Variants in DDR1 observed in about 807,000 individuals in gnomAD.
DDR1 encodes the protein discoidin domain receptor tyrosine kinase 1.
A neutral mutation model predicts 97.4 loss-of-function variants in DDR1; 64 were observed. The observed-to-expected ratio is 0.66, with a 90% confidence interval of 0.54 to 0.81. The LOEUF is 0.81. Ranked by LOEUF, DDR1 falls within the 30% of genes least tolerant of loss-of-function variation. The probability of loss-of-function intolerance (pLI) is 0.00; values close to 1 mark genes in which losing one functional copy is unlikely to be tolerated. For synonymous variants in DDR1, 458 were observed against 503.7 expected (o/e 0.91, Z 1.21); for missense variants, 990 against 1,259.6 (o/e 0.79, Z 3.24).
At chr6:30,898,552 A>C (rs1453092982) in intron 16 of DDR1, among the ~76,000 whole-genome samples, 1 of 152,138 alleles carries the variant, frequency 6.6e-6, no homozygotes, top group East Asian at 1.9e-4. Flanking sequence ...AGAGCTCAAG[A>C]GATGAGGTTG....
At position 30,898,899 on chromosome 6, in the gene DDR1, G is replaced by A. The variant is rs748874843; in HGVS notation, c.2463G>A (p.Thr821=). The stretch of plus-strand genomic sequence containing the variant: ...TCTCTGCATCCCAGGGGAAGTTCAC[G>A]ACTGCGAGTGACGTGTGGGCCTTTG... ...AWECILMGKF[T]TASDVWAFGV... is the part of the protein sequence containing the mutation. The change falls in exon 17 of 18, where the codon ACG becomes ACA. Residue 821 remains threonine, a synonymous_variant. Transcript: ENST00000376568. The A allele has an allele frequency of 2.0e-5, 32 of 1,606,978 alleles. No homozygotes were observed. The highest frequency in any genetic ancestry group is 1.6e-4 in the Middle Eastern group (1 of 6,068).
chr6:30,888,577 T>G lies in DDR1; in HGVS notation c.-42-111T>G. 1.2e-5 allele frequency: 14 copies of G among 1,151,204 alleles called. No individual in the cohort carries two copies. Among genetic ancestry groups the G allele is most frequent in the Non-Finnish European group, 1.7e-5 (14 of 823,546 alleles). 71.3% of individuals were successfully genotyped at this position (1,151,204 alleles called of 1,614,324 possible). On this transcript the variant is annotated intron_variant, in intron 1 of 17. Coordinates refer to ENST00000376568, the MANE Select transcript of DDR1 (RefSeq NM_001297654.2). The surrounding 1 kb of genome is among the most constrained non-coding windows in gnomAD (Gnocchi z 4.2). ...AGCTGATGCTGTTAAACAATGACTGTTGTTGTTGTTTTACTGTTATTATCC... is the reference window on the plus strand; with the variant it reads ...AGCTGATGCTGTTAAACAATGACTGGTGTTGTTGTTTTACTGTTATTATCC...
chr6:30,891,552 TG>T lies in DDR1; in HGVS notation c.665+74del. ...CTGTGTGTGTGTGTGTGTGTGTGTGTGTGTGAGAGTGTGTGTGTGTAGGGGG... is the reference window on the plus strand; with the variant it reads ...CTGTGTGTGTGTGTGTGTGTGTGTGTTGTGAGAGTGTGTGTGTGTAGGGGG... On this transcript the variant is annotated intron_variant, in intron 6 of 17. Transcript: ENST00000376568. This position sits in a 1 kb window ranked among gnomAD's most constrained non-coding sequence, Gnocchi z 5.3. 1.1e-6 allele frequency: 1 copy of T among 951,236 alleles called. No homozygotes were observed. The allele number at this position is 951,236 out of a possible 1,614,324, so 58.9% of individuals were successfully genotyped here.
At position 30,891,203 on chromosome 6, in the gene DDR1, C is replaced by T. The variant is rs775881578; in HGVS notation, c.565+83C>T. The stretch of plus-strand genomic sequence containing the variant: ...AGTGTGGAGAATGGGCATCCAGGAT[C>T]CCTTCTCCTGCTGGGAAGCTGTCAC... On this transcript the variant is annotated intron_variant, in intron 5 of 17. Transcript: ENST00000376568. The surrounding 1 kb of genome is among the most constrained non-coding windows in gnomAD (Gnocchi z 5.3). 129 of 1,569,080 alleles carry T rather than the reference C, an allele frequency of 8.2e-5. No individual in the cohort carries two copies. The highest frequency in any genetic ancestry group is 5.1e-4 in the Middle Eastern group (3 of 5,884).
chr6:30,891,052 T>C lies in DDR1; in HGVS notation c.497T>C (p.Phe166Ser). ...GPPMVARLVRFYPRADRVMSV... is the reference protein window; with the variant it reads ...GPPMVARLVRSYPRADRVMSV... Reference sequence around the variant, plus strand: ...CCCATGGTTGCCCGACTGGTTCGCTTCTACCCCCGGGCTGACCGGGTCATG... The same window carrying C: ...CCCATGGTTGCCCGACTGGTTCGCTCCTACCCCCGGGCTGACCGGGTCATG... Residue 166 changes from phenylalanine to serine, a missense_variant, in exon 5 of 18, where the codon TTC (phenylalanine) becomes TCC (serine). Phe to Ser is a radical substitution (Grantham distance 155). Transcript: ENST00000376568. The surrounding 1 kb of genome is among the most constrained non-coding windows in gnomAD (Gnocchi z 5.3). 1 of 1,613,060 alleles carries C rather than the reference T, an allele frequency of 6.2e-7. No homozygotes were observed. Among genetic ancestry groups the C allele is most frequent in the African/African-American group, 1.3e-5 (1 of 75,056 alleles).
intron 1 of DDR1, among the ~76,000 whole-genome samples, chr6:30,887,437 A>G (rs1181734305): frequency 1.3e-5 from 2 of 152,030 alleles, no homozygotes; most frequent in South Asian, 2.1e-4. Context: ...ATTGTATTCT[A>G]TTGTTATATT....
chr6:30,898,975 CAGCTCACCGACG>C lies in DDR1; in HGVS notation c.2543_2554del (p.Leu848_Glu851del). 1 of 1,614,146 alleles carries C rather than the reference CAGCTCACCGACG, an allele frequency of 6.2e-7. No individual in the cohort carries two copies. Reference sequence around the variant, plus strand: ...GCTCTGTAGGGCCCAGCCCTTTGGGCAGCTCACCGACGAGCAGGTCATCGAGAACGCGGGGGA... The same window carrying C: ...GCTCTGTAGGGCCCAGCCCTTTGGGCAGCAGGTCATCGAGAACGCGGGGGA... On this transcript the variant is annotated inframe_deletion, in exon 17 of 18. Coordinates refer to ENST00000376568, the MANE Select transcript of DDR1 (RefSeq NM_001297654.2).
rs939257198 is a variant in DDR1 at position 30,888,803 on chromosome 6, A to G, written c.74A>G (p.His25Arg). Residue 25 changes from histidine (H) to arginine (R), a missense_variant, in exon 2 of 18, where the codon CAT (histidine) becomes CGT (arginine). Physicochemically the swap from His to Arg is conservative, Grantham distance 29. Transcript: ENST00000376568. This position sits in a 1 kb window ranked among gnomAD's most constrained non-coding sequence, Gnocchi z 4.2. ...AGTGGAGATGCTGACATGAAGGGAC[A>G]TTTTGATCCTGGTGAGGAGACTGAA... ...VASGDADMKG[H>R]FDPAKCRYAL... The G allele has an allele frequency of 6.2e-6, 10 of 1,612,976 alleles. No homozygotes were observed.
In DDR1 at chr6:30,897,541, C is replaced by T. The variant is rs764144655; in HGVS notation, c.2160C>T (p.Asp720=). 2.5e-6 allele frequency: 4 copies of T among 1,613,980 alleles called. No homozygotes were observed. The South Asian group carries it at 4.4e-5, about 18-fold the overall frequency. ...NQFLSAHQLE[D]KAAEGAPGDG... Reference sequence around the variant, plus strand: ...TCCTCAGTGCCCACCAGCTGGAGGACAAGGCAGCCGAGGGGGCCCCTGGGG... The same window carrying T: ...TCCTCAGTGCCCACCAGCTGGAGGATAAGGCAGCCGAGGGGGCCCCTGGGG... Residue 720 remains aspartate (D), a synonymous_variant, in exon 15 of 18, where the codon GAC becomes GAT. Coordinates refer to ENST00000376568, the MANE Select transcript of DDR1 (RefSeq NM_001297654.2). The surrounding 1 kb of genome is among the most constrained non-coding windows in gnomAD (Gnocchi z 5.2).
rs1554257050 is a variant in DDR1, at chr6:30,892,409, AG to A, written c.971del (p.Gly324AlafsTer46). On this transcript the variant is annotated frameshift_variant, in exon 8 of 18. Coordinates refer to ENST00000376568, the MANE Select transcript of DDR1 (RefSeq NM_001297654.2). LOFTEE classifies it high-confidence loss of function. Reference sequence around the variant, plus strand: ...AGGGGGAGCCCATGCGCCACAACCTAGGGGGCAACCTGGGGGACCCCAGAGC... The same window carrying A: ...AGGGGGAGCCCATGCGCCACAACCTAGGGGCAACCTGGGGGACCCCAGAGC... ...WEGEPMRHNL[G>X]GNLGDPRARA... The A allele has an allele frequency of 4.4e-6, 7 of 1,603,310 alleles. No individual in the cohort carries two copies. The highest frequency in any genetic ancestry group is 5.1e-6 in the Non-Finnish European group (6 of 1,178,286).
chr6:30,896,827 C>A lies in DDR1; in HGVS notation c.1831C>A (p.Arg611Ser). 1 of 1,589,624 alleles carries A rather than the reference C, an allele frequency of 6.3e-7. No homozygotes were observed. Among genetic ancestry groups the A allele is most frequent in the Non-Finnish European group, 8.6e-7 (1 of 1,165,990 alleles). The change falls in exon 13 of 18, where the codon CGC (arginine) becomes AGC (serine). Residue 611 changes from arginine (R) to serine (S), a missense_variant. Arg to Ser is a moderately radical substitution (Grantham distance 110). Coordinates refer to ENST00000376568, the MANE Select transcript of DDR1 (RefSeq NM_001297654.2). ...PRVDFPRSRL[R>S]FKEKLGEGQF... ...AGTGGATTTCCCTCGATCTCGACTC[C>A]GCTTCAAGGAGAAGCTTGGCGAGGG...
rs1022417101 is a variant in DDR1 at position 30,891,060 on chromosome 6, C to T, written c.505C>T (p.Arg169Trp). 43 of 1,613,066 alleles carry T rather than the reference C, an allele frequency of 2.7e-5. No homozygotes were observed. The highest frequency in any genetic ancestry group is 3.3e-4 in the Middle Eastern group (2 of 6,062). The change falls in exon 5 of 18, where the codon CGG becomes TGG. Residue 169 changes from arginine (R) to tryptophan (W), a missense_variant. Coordinates refer to ENST00000376568, the MANE Select transcript of DDR1 (RefSeq NM_001297654.2). This position sits in a 1 kb window ranked among gnomAD's most constrained non-coding sequence, Gnocchi z 5.3. ...TGCCCGACTGGTTCGCTTCTACCCC[C>T]GGGCTGACCGGGTCATGAGCGTCTG... ...MVARLVRFYP[R>W]ADRVMSVCLR...
rs767725360 is a variant in DDR1 at position 30,893,406 on chromosome 6, C to T, written c.1330C>T (p.Arg444Cys). The T allele has an allele frequency of 4.4e-6, 7 of 1,604,894 alleles. No individual in the cohort carries two copies. The highest frequency in any genetic ancestry group is 1.7e-4 in the Middle Eastern group (1 of 6,036). Reference protein sequence around the residue: ...IALMLWRLHWRRLLSKAERRV... With the variant: ...IALMLWRLHWCRLLSKAERRV... Reference sequence around the variant, plus strand: ...CCTCATGCTCTGGCGGCTGCACTGGCGCAGGCTCCTCAGCAAGGTGGGCAC... The same window carrying T: ...CCTCATGCTCTGGCGGCTGCACTGGTGCAGGCTCCTCAGCAAGGTGGGCAC... Residue 444 changes from arginine to cysteine, a missense_variant, in exon 10 of 18, where the codon CGC becomes TGC. Arg to Cys is a radical substitution (Grantham distance 180). Coordinates refer to ENST00000376568, the MANE Select transcript of DDR1 (RefSeq NM_001297654.2).
rs779460346 is a variant in DDR1 at position 30,898,318 on chromosome 6, C to G, written c.2451+11C>G. On this transcript the variant is annotated intron_variant, in intron 16 of 17. Transcript: ENST00000376568. The stretch of plus-strand genomic sequence containing the variant: ...GAGTGCATCCTCATGGTGAGCAGCC[C>G]GAGGACAGCCAGGTTGGAGCAGGGC... The G allele has an allele frequency of 2.3e-5, 37 of 1,600,908 alleles. No individual in the cohort carries two copies. The highest frequency in any genetic ancestry group is 5.1e-5 in the Admixed American group (3 of 58,970).
rs764375716 is a variant in DDR1, at chr6:30,895,530, C to T, written c.1624+16C>T. 5 of 1,535,218 alleles carry T rather than the reference C, an allele frequency of 3.3e-6. No homozygotes were observed. The highest frequency in any genetic ancestry group is 4.4e-6 in the Non-Finnish European group (5 of 1,130,072). ...AACACCCAGGGTAAGCCCCTCTGCC[C>T]CTGGGCTCCGCCAGGCTCCCCATAC... On this transcript the variant is annotated intron_variant, in intron 12 of 17. Transcript: ENST00000376568.
intron 8 of DDR1, 106 bp from the exon 9 acceptor site, chr6:30,892,962 G>C (rs1562391147): frequency 9.9e-7 from 1 of 1,013,304 alleles, no homozygotes; most frequent in Non-Finnish European, 1.5e-6. Flanking sequence ...TGCCTATTGA[G>C]AATCACCCAT....
At position 30,890,921 on chromosome 6, in the gene DDR1, T is replaced by C. The variant is rs768181995; in HGVS notation, c.418-52T>C. 6.5e-7 allele frequency: 1 copy of C among 1,528,100 alleles called. No homozygotes were observed. The highest frequency in any genetic ancestry group is 1.3e-5 in the South Asian group (1 of 76,808). 94.7% of individuals were successfully genotyped at this position (1,528,100 alleles called of 1,614,324 possible). A position where few individuals can be genotyped will look rare whatever the true frequency, so the allele number is the denominator to read the frequency against. ...CAGGGAGCAGCTGGTGGGTGGGAAGTAAGATCTGACCTGGACTCCATCCCA... is the reference window on the plus strand; with the variant it reads ...CAGGGAGCAGCTGGTGGGTGGGAAGCAAGATCTGACCTGGACTCCATCCCA... On this transcript the variant is annotated intron_variant, in intron 4 of 17. Transcript: ENST00000376568. This position sits in a 1 kb window ranked among gnomAD's most constrained non-coding sequence, Gnocchi z 5.0.
chr6:30,888,739 G>T lies in DDR1; in HGVS notation c.10G>T (p.Glu4Ter). The change falls in exon 2 of 18, where the codon GAG becomes TAG. Residue 4 changes from glutamate to a stop codon, truncating the protein, a stop_gained. Transcript: ENST00000376568. LOFTEE classifies it high-confidence loss of function. The surrounding 1 kb of genome is among the most constrained non-coding windows in gnomAD (Gnocchi z 4.2). ...CGAGGGATCAGGAGCTATGGGACCA[G>T]AGGCCCTGTCATCTTTACTGCTGCT... MGP[E>*]ALSSLLLLLL... is the part of the protein sequence containing the mutation. 6.2e-7 allele frequency: 1 copy of T among 1,612,916 alleles called. No individual in the cohort carries two copies. The highest frequency in any genetic ancestry group is 8.5e-7 in the Non-Finnish European group (1 of 1,180,010).
chr6:30,892,674 G>A, intron 8 of DDR1, 132 bp downstream of exon 8: 4 of 1,270,854 alleles, frequency 3.1e-6, no homozygotes, highest in Non-Finnish European at 4.2e-6. Flanking sequence ...TTCTCAATTA[G>A]GGGTGCCCCA....
Sources: gnomAD v4.1 joint callset for allele counts (sites outside exome capture counted in the v4.1 genomes callset) on GRCh38, gnomAD v4.1.1 for gene constraint, Gnocchi (gnomAD v3.1) non-coding constraint, MANE v1.5 for transcripts, NCBI Gene and HGNC (gene_info 2026-07-23, HGNC 2026-07-21) for gene names.